The following TRPM6 variants were observed in gnomAD, a reference collection of about 807,000 sequenced individuals.
TRPM6 encodes channel kinase 2.
Under a neutral mutation model 247.6 loss-of-function variants are expected in TRPM6, and 111 were observed. The ratio of observed to expected loss-of-function variants is 0.45; its 90% CI spans 0.38 to 0.52. The LOEUF is 0.52. TRPM6 is among the 20% of genes least tolerant of loss of function. The pLI is 0.00. For missense variants in TRPM6, 2,126 were observed against 2,421.5 expected, an observed-to-expected ratio of 0.88 and a Z score of 2.56; for synonymous variants, 892 against 853.8, an observed-to-expected ratio of 1.04 and a Z score of -0.78.
chr9:74,766,929 G>A (rs1226257428), intron 25 of TRPM6, among the ~76,000 whole-genome samples: 1 of 151,978 alleles, frequency 6.6e-6, no homozygotes, highest in Admixed American at 6.6e-5. Context: ...AGAGAGGTTA[G>A]GTCACATAGC....
At chr9:74,852,004 C>A (rs541287836) in intron 3 of TRPM6, among the ~76,000 whole-genome samples, 1 of 151,426 alleles carries the variant, frequency 6.6e-6, no homozygotes, top group East Asian at 2.0e-4. Flanking sequence ...CACAGTGGTA[C>A]ATGCCAGGAG....
At chr9:74,786,987 T>A (rs1386605183) in intron 20 of TRPM6, among the ~76,000 whole-genome samples, 1 of 151,992 alleles carries the variant, frequency 6.6e-6, no homozygotes, top group Non-Finnish European at 1.5e-5. Context: ...TCACTTGAGG[T>A]CAGGAGTTCG....
At chr9:74,778,441 T>G (rs2118906506) in intron 23 of TRPM6, among the ~76,000 whole-genome samples, 1 of 152,326 alleles carries the variant, frequency 6.6e-6, no homozygotes, top group Admixed American at 6.5e-5. Flanking sequence ...TAAAAAGCCA[T>G]CCCAGTGCCA....
At chr9:74,783,588 A>G (rs1408013414) in intron 21 of TRPM6, among the ~76,000 whole-genome samples, 1 of 152,210 alleles carries the variant, frequency 6.6e-6, no homozygotes, top group Non-Finnish European at 1.5e-5. Context: ...AAGGGATCCC[A>G]GATTCCTGAG....
chr9:74,755,524 T>C, intron 27 of TRPM6, 51 bp from the exon 28 acceptor site: 2 of 1,610,966 alleles, frequency 1.2e-6, no homozygotes, highest in Non-Finnish European at 8.5e-7. Flanking sequence ...TCAAAAGCAC[T>C]GTGAGTCACA....
chr9:74,769,455 T>C (rs755124246), intron 25 of TRPM6, among the ~76,000 whole-genome samples: 3 of 152,144 alleles, frequency 2.0e-5, no homozygotes, highest in African/African-American at 4.8e-5. Context: ...GGCCTCCATG[T>C]CTATTTTACA....
intron 1 of TRPM6, among the ~76,000 whole-genome samples, chr9:74,880,122 G>C (rs1278596604): frequency 6.6e-6 from 1 of 152,008 alleles, no homozygotes; most frequent in Non-Finnish European, 1.5e-5. Context: ...AAAAGTAGAG[G>C]AGAAATGAGG....
chr9:74,797,491 T>A (rs1320536267), intron 17 of TRPM6, among the ~76,000 whole-genome samples: 2 of 152,208 alleles, frequency 1.3e-5, no homozygotes, highest in Non-Finnish European at 1.5e-5. Flanking sequence ...AAATGCTATA[T>A]AAATAGTTGT....
chr9:74,806,825 A>G (rs966262775), intron 14 of TRPM6, among the ~76,000 whole-genome samples: 1 of 152,202 alleles, frequency 6.6e-6, no homozygotes, highest in Non-Finnish European at 1.5e-5. Flanking sequence ...TGTAACTACT[A>G]CAGTCTAGTT....
At chr9:74,820,001 T>C (rs1829083237) in intron 9 of TRPM6, among the ~76,000 whole-genome samples, 1 of 152,040 alleles carries the variant, frequency 6.6e-6, no homozygotes, top group South Asian at 2.1e-4. Context: ...ATTTTAATTT[T>C]AAATAATTTT....
intron 33 of TRPM6, 91 bp from the exon 34 acceptor site, chr9:74,740,100 G>A (rs1277028198): frequency 6.3e-6 from 9 of 1,432,642 alleles, no homozygotes; most frequent in Non-Finnish European, 8.6e-6. Flanking sequence ...AATCAGTTCA[G>A]TTACCCAAAT....
In TRPM6 at chr9:74,731,695, CATATAATAT is replaced by C. The variant is rs545977101; in HGVS notation, c.5828+981_5828+989del. On this transcript the variant is annotated intron_variant, in intron 37 of 38. Coordinates refer to ENST00000360774, the MANE Select transcript of TRPM6 (RefSeq NM_017662.5). ...TTGATTGCCCACTTATGTAGTTATACATATAATATATATAATATATATAATATATATATA... is the reference window on the plus strand; with the variant it reads ...TTGATTGCCCACTTATGTAGTTATACATATAATATATATAATATATATATA... Among the ~76,000 whole-genome samples the C allele has an allele frequency of 2.5e-3, 368 of 148,210 alleles. 1 individual carries two copies. The highest frequency in any genetic ancestry group is 4.5e-3 in the African/African-American group (182 of 40,820).
intron 11 of TRPM6, among the ~76,000 whole-genome samples, chr9:74,812,773 C>G (rs1481183600): frequency 6.6e-6 from 1 of 152,012 alleles, no homozygotes; most frequent in Non-Finnish European, 1.5e-5. Context: ...ACCTGTGGTC[C>G]CAGCTAATTG....
intron 18 of TRPM6, among the ~76,000 whole-genome samples, chr9:74,794,522 G>A (rs957038499): frequency 6.6e-6 from 1 of 152,072 alleles, no homozygotes; most frequent in African/African-American, 2.4e-5. Flanking sequence ...GAATTAAAAT[G>A]GTGTAAAACC....
At chr9:74,748,647 G>A (rs1826130322) in intron 30 of TRPM6, among the ~76,000 whole-genome samples, 2 of 152,246 alleles carry the variant, frequency 1.3e-5, no homozygotes, top group South Asian at 4.2e-4. Flanking sequence ...ATGGCTTCTA[G>A]AATAAGGATA....
Position 74,731,269 on chromosome 9 carries a change from T to G in TRPM6, c.5828+1416A>C, listed in dbSNP as rs185999654. Among the ~76,000 whole-genome samples, 155 of 152,318 alleles carry G rather than the reference T, an allele frequency of 1.0e-3. No homozygotes were observed. In the East Asian group the frequency reaches 0.026, roughly 25 times the overall value. On this transcript the variant is annotated intron_variant, in intron 37 of 38. Coordinates refer to ENST00000360774, the MANE Select transcript of TRPM6 (RefSeq NM_017662.5). ...ATACATAAACTTGGTTCATTATATA[T>G]GCAAAAAATTTCCACTGCAAAATTA... is the stretch of plus-strand genomic sequence containing the variant.
intron 1 of TRPM6, among the ~76,000 whole-genome samples, chr9:74,875,774 G>A (rs945526881): frequency 1.3e-5 from 2 of 152,060 alleles, no homozygotes; most frequent in South Asian, 4.1e-4. Flanking sequence ...GGCCAGATAA[G>A]GACAAAGGCT....
chr9:74,779,084 C>A (rs1031142498), intron 23 of TRPM6, among the ~76,000 whole-genome samples: 1 of 152,164 alleles, frequency 6.6e-6, no homozygotes, highest in African/African-American at 2.4e-5. Flanking sequence ...GACTACCAGC[C>A]TGGGCAACAT....
rs150409948 is a variant in TRPM6 at position 74,762,102 on chromosome 9, T to A, written c.4569A>T (p.Thr1523=). 5,089 of 1,614,160 alleles carry A rather than the reference T, an allele frequency of 3.2e-3. 128 individuals carry two copies. The highest frequency in any genetic ancestry group is 7.9e-4 in the Non-Finnish European group (928 of 1,180,028). Residue 1523 remains threonine (T), a synonymous_variant, in exon 26 of 39, where the codon ACA becomes ACT. Transcript: ENST00000360774. Reference sequence around the variant, plus strand: ...TGCGGAGAGGATTGATCCAAAAGGATGTGTTTGGCTGAAGCCATGGTCCCA... The same window carrying A: ...TGCGGAGAGGATTGATCCAAAAGGAAGTGTTTGGCTGAAGCCATGGTCCCA... ...SEVGPWLQPN[T]SFWINPLRRY...
Sources: gnomAD v4.1 joint callset for allele counts (sites outside exome capture counted in the v4.1 genomes callset) on GRCh38, gnomAD v4.1.1 for gene constraint, MANE v1.5 for transcripts, NCBI Gene and HGNC (gene_info 2026-07-23, HGNC 2026-07-21) for gene names.